The following DOCK3 variants were observed in gnomAD, a reference collection of about 807,000 sequenced individuals.
The protein encoded by DOCK3 is dedicator of cytokinesis 3, also known as dedicator of cytokinesis protein 3.
DOCK3 carries 60 observed loss-of-function variants against 265.6 expected under a neutral mutation model. The ratio of observed to expected loss-of-function variants is 0.23; its 90% CI spans 0.18 to 0.28. The LOEUF is 0.28. Among genes scored for constraint, DOCK3 ranks in the 10% least tolerant of loss-of-function variants. The probability of loss-of-function intolerance (pLI) is 1.00; values close to 1 mark genes in which losing one functional copy is unlikely to be tolerated. For missense variants in DOCK3, 1,981 were observed against 2,594.3 expected (o/e 0.76, Z 5.14); for synonymous variants, 881 against 938.0 (o/e 0.94, Z 1.11).
intron 13 of DOCK3, among the ~76,000 whole-genome samples, 183 bp downstream of exon 13, chr3:51,209,045 A>G (rs1033167082): frequency 6.6e-5 from 10 of 152,180 alleles, no homozygotes; most frequent in African/African-American, 2.2e-4. Flanking sequence ...CTGCTGACCA[A>G]AATACATTTT....
At chr3:51,201,824 C>G (rs987334951) in intron 12 of DOCK3, among the ~76,000 whole-genome samples, 1 of 152,186 alleles carries the variant, frequency 6.6e-6, no homozygotes, top group Non-Finnish European at 1.5e-5. Context: ...CAAACTGTCT[C>G]TCAGACCACA....
At position 51,322,418 on chromosome 3, in the gene DOCK3, TG is replaced by T. The variant is rs538377182; in HGVS notation, c.3402+7292del. ...CGGAGTTTCACCATGTTAGCCAGGATGGTCTCAATCTCCTGACCTCATGATC... is the reference window on the plus strand; with the variant it reads ...CGGAGTTTCACCATGTTAGCCAGGATGTCTCAATCTCCTGACCTCATGATC... On this transcript the variant is annotated intron_variant, in intron 32 of 52. Coordinates refer to ENST00000266037, the MANE Select transcript of DOCK3 (RefSeq NM_004947.5). 2.6e-5 allele frequency among the ~76,000 whole-genome samples: 4 copies of T among 152,266 alleles called. No individual in the cohort carries two copies. The South Asian group carries it at 8.3e-4, about 32-fold the overall frequency.
intron 23 of DOCK3, among the ~76,000 whole-genome samples, chr3:51,266,916 G>A (rs888977970): frequency 2.0e-5 from 3 of 152,134 alleles, no homozygotes; most frequent in African/African-American, 7.2e-5. Context: ...GAAAATTTTT[G>A]CCATCTATCC....
intron 2 of DOCK3, among the ~76,000 whole-genome samples, chr3:50,818,680 A>C (rs556482397): frequency 2.0e-4 from 30 of 152,308 alleles, no homozygotes; most frequent in African/African-American, 6.7e-4. Flanking sequence ...AGGAAGGGAG[A>C]GGGGAGAAGA....
At chr3:50,888,167 G>T (rs922250293) in intron 3 of DOCK3, among the ~76,000 whole-genome samples, 13 of 152,140 alleles carry the variant, frequency 8.5e-5, no homozygotes, top group Non-Finnish European at 1.3e-4. Context: ...CAAAGTCTCA[G>T]GATACAAAAT....
chr3:51,207,502 C>A (rs549977966), intron 12 of DOCK3, among the ~76,000 whole-genome samples: 6 of 152,226 alleles, frequency 3.9e-5, no homozygotes, highest in South Asian at 2.1e-4. Context: ...ATTCTCAGAG[C>A]CCTGGGCTGT....
chr3:51,183,472 T>A (rs956947019), intron 12 of DOCK3, among the ~76,000 whole-genome samples: 1 of 152,128 alleles, frequency 6.6e-6, no homozygotes, highest in Non-Finnish European at 1.5e-5. Flanking sequence ...GACTTTGGGC[T>A]GTACATCAGG....
intron 5 of DOCK3, among the ~76,000 whole-genome samples, chr3:51,006,777 C>A (rs1416702512): frequency 6.6e-6 from 1 of 152,148 alleles, no homozygotes; most frequent in Non-Finnish European, 1.5e-5. Flanking sequence ...TCCCTGCTCC[C>A]CCTACCCCAC....
At chr3:51,143,044 G>A (rs1283337002) in intron 9 of DOCK3, among the ~76,000 whole-genome samples, 2 of 151,970 alleles carry the variant, frequency 1.3e-5, no homozygotes, top group Non-Finnish European at 2.9e-5. Context: ...AGGCCACCAT[G>A]CCCAGCTAAT....
intron 49 of DOCK3, among the ~76,000 whole-genome samples, chr3:51,367,565 G>A (rs1439290070): frequency 6.6e-6 from 1 of 152,334 alleles, no homozygotes; most frequent in South Asian, 2.1e-4. Context: ...CTCGTTAGTT[G>A]ATGCAGTTTC....
chr3:50,836,508 T>C (rs2045521065), intron 2 of DOCK3, among the ~76,000 whole-genome samples: 1 of 152,206 alleles, frequency 6.6e-6, no homozygotes, highest in Non-Finnish European at 1.5e-5. Context: ...TAGCCATGGC[T>C]GGAGCTGAAG....
chr3:51,047,694 A>G (rs2080831405), intron 5 of DOCK3, among the ~76,000 whole-genome samples: 1 of 152,206 alleles, frequency 6.6e-6, no homozygotes. Context: ...CTGATCAAGA[A>G]GAAGGATAAA....
At position 51,227,465 on chromosome 3, in the gene DOCK3, C is replaced by G; in HGVS notation, c.1540+20C>G. ...GTTCCAGTGAGTTAGACTTCCCCCCCTCCACATTCCCTTGAGAATATAAAT... is the reference window on the plus strand; with the variant it reads ...GTTCCAGTGAGTTAGACTTCCCCCCGTCCACATTCCCTTGAGAATATAAAT... On this transcript the variant is annotated intron_variant, in intron 16 of 52. Transcript: ENST00000266037. 5 of 1,613,390 alleles carry G rather than the reference C, an allele frequency of 3.1e-6. No homozygotes were observed. Among genetic ancestry groups the G allele is most frequent in the Non-Finnish European group, 4.2e-6 (5 of 1,179,534 alleles).
intron 22 of DOCK3, among the ~76,000 whole-genome samples, chr3:51,248,068 A>G (rs905728198): frequency 6.6e-6 from 1 of 152,214 alleles, no homozygotes; most frequent in South Asian, 2.1e-4. Context: ...GATACCTACC[A>G]TGCTTCAGAC....
chr3:51,003,520 A>G (rs368163677), intron 5 of DOCK3, among the ~76,000 whole-genome samples: 1 of 152,384 alleles, frequency 6.6e-6, no homozygotes, highest in East Asian at 1.9e-4. Context: ...TGATTTATGT[A>G]TGCATGATGG....
At chr3:51,250,382 G>A (rs2079148763) in intron 22 of DOCK3, among the ~76,000 whole-genome samples, 1 of 152,138 alleles carries the variant, frequency 6.6e-6, no homozygotes, top group Non-Finnish European at 1.5e-5. Flanking sequence ...ACTTGGGGAG[G>A]CCAAGGCGGG....
intron 9 of DOCK3, among the ~76,000 whole-genome samples, chr3:51,099,450 TAGAAA>T (rs1182103080): frequency 6.6e-6 from 1 of 152,228 alleles, no homozygotes. Context: ...TCAGGTTCTT[TAGAAA>T]GTTTCACATT....
intron 22 of DOCK3, among the ~76,000 whole-genome samples, chr3:51,252,272 G>A (rs957226575): frequency 1.3e-5 from 2 of 152,236 alleles, no homozygotes; most frequent in African/African-American, 4.8e-5. Context: ...TAGCCTTGTA[G>A]TATAGTTTGA....
chr3:51,007,860 C>T (rs2078750188), intron 5 of DOCK3, among the ~76,000 whole-genome samples: 1 of 152,138 alleles, frequency 6.6e-6, no homozygotes, highest in South Asian at 2.1e-4. Flanking sequence ...TTTCCCAGCA[C>T]CATTTATTAC....
Sources: allele counts gnomAD v4.1 joint callset (sites outside exome capture counted in the v4.1 genomes callset), GRCh38; gene constraint gnomAD v4.1.1; transcripts MANE v1.5; gene names NCBI Gene and HGNC (gene_info 2026-07-23, HGNC 2026-07-21).